Variants in ZDHHC15 observed in about 807,000 individuals in gnomAD.
The protein encoded by ZDHHC15 is zDHHC palmitoyltransferase 15.
A neutral mutation model predicts 31.7 loss-of-function variants in ZDHHC15; 19 were observed. The observed-to-expected ratio is 0.60, with a 90% confidence interval of 0.42 to 0.88. The LOEUF (loss-of-function observed/expected upper bound fraction) is 0.88, where lower values mean the gene tolerates loss of function less well. Ranked by LOEUF, ZDHHC15 falls within the 40% of genes least tolerant of loss-of-function variation. The pLI, the probability that ZDHHC15 is intolerant of heterozygous loss-of-function variation, is 0.00. For missense variants in ZDHHC15, 209 were observed against 251.2 expected, an observed-to-expected ratio of 0.83 and a Z score of 1.14; for synonymous variants, 103 against 90.0, an observed-to-expected ratio of 1.14 and a Z score of -0.82.
At chrX:75,432,698 C>A (rs1602613928) in intron 4 of ZDHHC15, among the ~76,000 whole-genome samples, 1 of 111,681 alleles carries the variant, frequency 9.0e-6, no homozygotes, top group Non-Finnish European at 1.9e-5. Flanking sequence ...TACATCAGAT[C>A]TGGTGTAGTG....
chrX:75,421,388 A>G (rs1211169776), intron 9 of ZDHHC15, among the ~76,000 whole-genome samples: 14 of 4,299 alleles, frequency 3.3e-3, no homozygotes, highest in Non-Finnish European at 5.9e-3. Flanking sequence ...GTATGTGTGT[A>G]TATATATATA....
chrX:75,402,453 A>G (rs183235430), intron 10 of ZDHHC15, among the ~76,000 whole-genome samples: 58 of 111,230 alleles, frequency 5.2e-4, no homozygotes, highest in African/African-American at 1.9e-3. Flanking sequence ...CAAATCCAGG[A>G]ACTGGTTTTT....
At chrX:75,391,005 T>C (rs1432740156) in intron 10 of ZDHHC15, among the ~76,000 whole-genome samples, 1 of 111,693 alleles carries the variant, frequency 9.0e-6, no homozygotes, top group African/African-American at 3.3e-5. Flanking sequence ...TCTTACCAGA[T>C]AAATTTTAAA....
At chrX:75,514,924 C>A (rs1214118960) in intron 1 of ZDHHC15, among the ~76,000 whole-genome samples, 3 of 111,823 alleles carry the variant, frequency 2.7e-5, no homozygotes, top group African/African-American at 9.8e-5. Flanking sequence ...ATACAAACTA[C>A]CTTCAGAGAA....
At chrX:75,475,055 T>C (rs924966257) in intron 3 of ZDHHC15, among the ~76,000 whole-genome samples, 12 of 111,311 alleles carry the variant, frequency 1.1e-4, no homozygotes, top group African/African-American at 3.9e-4. Context: ...CGAGACTCCG[T>C]CTCAAAAAAA....
At chrX:75,398,160 C>A (rs1372429104) in intron 10 of ZDHHC15, among the ~76,000 whole-genome samples, 2 of 112,265 alleles carry the variant, frequency 1.8e-5, no homozygotes, top group African/African-American at 6.5e-5. Context: ...TTCCAGTCAG[C>A]TAGCAGTAGC....
intron 1 of ZDHHC15, among the ~76,000 whole-genome samples, chrX:75,517,214 T>C (rs2148074672): frequency 9.0e-6 from 1 of 111,698 alleles, no homozygotes; most frequent in African/African-American, 3.3e-5. Context: ...AAATACTAAT[T>C]GACCCAGAGA....
chrX:75,396,522 C>A (rs180731476), intron 10 of ZDHHC15, among the ~76,000 whole-genome samples: 25 of 111,914 alleles, frequency 2.2e-4, no homozygotes, highest in African/African-American at 7.1e-4. Flanking sequence ...AAAGAGAACC[C>A]TTGAACAGTA....
chrX:75,426,844 C>T (rs1362231415), intron 7 of ZDHHC15, among the ~76,000 whole-genome samples: 3 of 110,994 alleles, frequency 2.7e-5, no homozygotes, highest in African/African-American at 9.8e-5. Flanking sequence ...AGGTGAAAGT[C>T]CTAACTTTGG....
chrX:75,409,051 C>A (rs746326712), intron 10 of ZDHHC15, among the ~76,000 whole-genome samples: 21 of 111,852 alleles, frequency 1.9e-4, no homozygotes, highest in Non-Finnish European at 2.3e-4. Flanking sequence ...TCAATGCAAT[C>A]CCTATCAAAA....
At chrX:75,421,590 G>C (rs936100844) in intron 9 of ZDHHC15, among the ~76,000 whole-genome samples, 17 of 97,405 alleles carry the variant, frequency 1.7e-4, no homozygotes, top group African/African-American at 6.5e-4. Context: ...TGGGATGTTG[G>C]GCAAGTAGAT....
chrX:75,505,798 T>A, intron 2 of ZDHHC15, 23 bp downstream of exon 2: 12 of 1,208,576 alleles, frequency 9.9e-6, no homozygotes, highest in Non-Finnish European at 1.3e-5. Flanking sequence ...TCCTGATCAA[T>A]ACAATTTCCA....
chrX:75,449,340 T>C (rs2084082391), intron 4 of ZDHHC15, among the ~76,000 whole-genome samples: 1 of 110,478 alleles, frequency 9.1e-6, no homozygotes, highest in Non-Finnish European at 1.9e-5. Context: ...TAGTATTTCC[T>C]CAGAGAAGCC....
chrX:75,517,425 A>G (rs1338827276), intron 1 of ZDHHC15, among the ~76,000 whole-genome samples: 1 of 109,790 alleles, frequency 9.1e-6, no homozygotes, highest in Non-Finnish European at 1.9e-5. Context: ...GGATGAGTTC[A>G]TGTCCTTTGT....
At chrX:75,379,096 A>G in intron 11 of ZDHHC15, 24 bp downstream of exon 11, 1 of 1,171,855 alleles carries the variant, frequency 8.5e-7, no homozygotes, top group East Asian at 3.0e-5. Context: ...GTGCCACTGT[A>G]TGTGTCTCCC....
chrX:75,459,297 G>A lies in ZDHHC15; in HGVS notation c.259-8375C>T, dbSNP rs2084275597. 3.6e-5 allele frequency among the ~76,000 whole-genome samples: 4 copies of A among 111,616 alleles called. No homozygotes were observed. The South Asian group carries it at 1.5e-3, about 42-fold the overall frequency. On this transcript the variant is annotated intron_variant, in intron 3 of 11. Coordinates refer to ENST00000373367, the MANE Select transcript of ZDHHC15 (RefSeq NM_144969.3). ...AAGAGGGCTAAATCTAGGGAGTCAAGCAGTGTCATTCTGCAGGCTCCACTT... is the reference window on the plus strand; with the variant it reads ...AAGAGGGCTAAATCTAGGGAGTCAAACAGTGTCATTCTGCAGGCTCCACTT...
chrX:75,482,343 C>T (rs755001678), intron 2 of ZDHHC15, among the ~76,000 whole-genome samples: 1 of 112,046 alleles, frequency 8.9e-6, no homozygotes, highest in African/African-American at 3.2e-5. Flanking sequence ...TCAAGATTTT[C>T]TCAAGAGTTG....
intron 4 of ZDHHC15, among the ~76,000 whole-genome samples, chrX:75,435,735 C>T (rs1052557026): frequency 3.6e-5 from 4 of 112,038 alleles, no homozygotes; most frequent in South Asian, 3.7e-4. Context: ...CTGTTGAATT[C>T]GGTTAGCTAG....
chrX:75,490,182 G>A (rs999217994), intron 2 of ZDHHC15, among the ~76,000 whole-genome samples: 1 of 111,873 alleles, frequency 8.9e-6, no homozygotes, highest in Non-Finnish European at 1.9e-5. Flanking sequence ...TATTATCCAG[G>A]AGAACTTCCC....
Sources: allele counts gnomAD v4.1 joint callset (sites outside exome capture counted in the v4.1 genomes callset), GRCh38; gene constraint gnomAD v4.1.1; transcripts MANE v1.5; gene names NCBI Gene and HGNC (gene_info 2026-07-23, HGNC 2026-07-21).